Variants in CRB1 observed in about 807,000 individuals in gnomAD.
CRB1 encodes crumbs cell polarity complex component 1.
A neutral mutation model predicts 120.0 loss-of-function variants in CRB1; 83 were observed. The ratio of observed to expected loss-of-function variants is 0.69; its 90% CI spans 0.58 to 0.83. The LOEUF is 0.83. Among genes scored for constraint, CRB1 ranks in the 40% least tolerant of loss-of-function variants. The pLI, the probability that CRB1 is intolerant of heterozygous loss-of-function variation, is 0.00. For missense variants in CRB1, 1,699 were observed against 1,687.6 expected (o/e 1.01, Z -0.12); for synonymous variants, 625 against 612.5 (o/e 1.02, Z -0.30).
the CRB1 span, among the ~76,000 whole-genome samples, chr1:197,209,152 C>A: frequency 6.6e-6 from 1 of 152,180 alleles, no homozygotes; most frequent in Admixed American, 6.5e-5. Context: ...TACTAGCCTC[C>A]CAACTGAGAA....
chr1:197,217,968 G>A, the CRB1 span, among the ~76,000 whole-genome samples: 1 of 152,168 alleles, frequency 6.6e-6, no homozygotes, highest in African/African-American at 2.4e-5. Flanking sequence ...GGAAGACATT[G>A]CACCCAAATA....
intron 1 of CRB1, among the ~76,000 whole-genome samples, chr1:197,298,131 T>C (rs1232997831): frequency 6.6e-6 from 1 of 152,152 alleles, no homozygotes; most frequent in African/African-American, 2.4e-5. Context: ...TTTTCTTTTG[T>C]TCTATTTTTA....
the CRB1 span, among the ~76,000 whole-genome samples, chr1:197,230,292 CTAAA>C: frequency 2.7e-3 from 413 of 152,244 alleles, no homozygotes; most frequent in African/African-American, 9.5e-3. Context: ...AAAATCTATA[CTAAA>C]TATTTTTTGA....
the CRB1 span, among the ~76,000 whole-genome samples, chr1:197,255,965 TTATATATA>T: frequency 2.9e-3 from 245 of 85,338 alleles, no homozygotes; most frequent in African/African-American, 7.5e-3. Context: ...ATAGAACATT[TTATATATA>T]TATATATATA....
chr1:197,447,824 AGCCTGG>A lies in CRB1; in HGVS notation c.4005+5535_4005+5540del, dbSNP rs369691914. Among the ~76,000 whole-genome samples the A allele has an allele frequency of 2.0e-3, 299 of 150,688 alleles. 1 individual carries two copies. The highest frequency in any genetic ancestry group is 7.1e-3 in the African/African-American group (292 of 40,886). On this transcript the variant is annotated intron_variant, in intron 11 of 11. Coordinates refer to ENST00000367400, the MANE Select transcript of CRB1 (RefSeq NM_201253.3). The stretch of plus-strand genomic sequence containing the variant: ...AGCCATGATGGCACCACTGCACTCC[AGCCTGG>A]GCAACAGAGCAAGAACCTGTCTCAA...
intron 5 of CRB1, among the ~76,000 whole-genome samples, chr1:197,396,882 C>A (rs1662799838): frequency 6.6e-6 from 1 of 151,952 alleles, no homozygotes; most frequent in African/African-American, 2.4e-5. Flanking sequence ...GGATCTTGGG[C>A]TCAGCAAAGA....
chr1:197,282,974 G>T (rs1275649138), intron 1 of CRB1, among the ~76,000 whole-genome samples: 1 of 151,824 alleles, frequency 6.6e-6, no homozygotes, highest in Non-Finnish European at 1.5e-5. Flanking sequence ...TAAAGCTAGT[G>T]AAGGTACATT....
intron 2 of CRB1, among the ~76,000 whole-genome samples, chr1:197,343,812 A>C (rs10157465): frequency 0.13 from 19,433 of 152,184 alleles, 1,743 homozygotes; most frequent in African/African-American, 0.24. Context: ...AAGCTGAAAC[A>C]TGGAAAGGCT....
At chr1:197,426,644 C>T (rs1664595890) in intron 6 of CRB1, among the ~76,000 whole-genome samples, 1 of 152,108 alleles carries the variant, frequency 6.6e-6, no homozygotes, top group Non-Finnish European at 1.5e-5. Flanking sequence ...ACTCCTCTGA[C>T]CACAGGAAAT....
At chr1:197,382,960 A>G (rs1471808352) in intron 5 of CRB1, among the ~76,000 whole-genome samples, 1 of 152,200 alleles carries the variant, frequency 6.6e-6, no homozygotes, top group Non-Finnish European at 1.5e-5. Flanking sequence ...TCCATTCTGC[A>G]GGAACTAAAT....
chr1:197,288,632 G>T (rs1655975787), intron 1 of CRB1, among the ~76,000 whole-genome samples: 1 of 151,808 alleles, frequency 6.6e-6, no homozygotes, highest in Non-Finnish European at 1.5e-5. Flanking sequence ...AGAATTATGA[G>T]ATATGAGAAA....
the CRB1 span, among the ~76,000 whole-genome samples, chr1:197,262,616 A>G: frequency 3.1e-4 from 47 of 152,282 alleles, no homozygotes; most frequent in Non-Finnish European, 6.6e-4. Flanking sequence ...GGTTTGAGGT[A>G]TGAATGATCT....
At chr1:197,339,336 C>A (rs1012986895) in intron 2 of CRB1, among the ~76,000 whole-genome samples, 7 of 152,090 alleles carry the variant, frequency 4.6e-5, no homozygotes, top group African/African-American at 1.7e-4. Context: ...TAATGAAAAC[C>A]GAATGCTACA....
At chr1:197,389,613 G>A (rs1662391665) in intron 5 of CRB1, among the ~76,000 whole-genome samples, 1 of 152,016 alleles carries the variant, frequency 6.6e-6, no homozygotes, top group Non-Finnish European at 1.5e-5. Flanking sequence ...GATGGATGGT[G>A]GTGACGGTTA....
At chr1:197,255,217 C>T in the CRB1 span, among the ~76,000 whole-genome samples, 1 of 151,988 alleles carries the variant, frequency 6.6e-6, no homozygotes, top group Non-Finnish European at 1.5e-5. Flanking sequence ...CCTAGTTAGG[C>T]TACTCTGACT....
rs562214525 is a variant in CRB1, at chr1:197,368,325, C to T, written c.1171+11312C>T. On this transcript the variant is annotated intron_variant, in intron 5 of 11. Transcript: ENST00000367400. ...AAAGATGAAACTTTGCTTCTATCCT[C>T]GTTTACTTCATAAAACATCTTTTCA... Among the ~76,000 whole-genome samples, 13 of 152,262 alleles carry T rather than the reference C, an allele frequency of 8.5e-5. No homozygotes were observed. The East Asian group carries it at 2.3e-3, about 27-fold the overall frequency.
At chr1:197,445,784 C>A (rs888545027) in intron 11 of CRB1, among the ~76,000 whole-genome samples, 1 of 152,178 alleles carries the variant, frequency 6.6e-6, no homozygotes, top group Non-Finnish European at 1.5e-5. Context: ...TGTACTTATT[C>A]AACAAATGTT....
intron 6 of CRB1, 76 bp downstream of exon 6, chr1:197,422,032 T>A (rs556040697): frequency 7.6e-7 from 1 of 1,309,484 alleles, no homozygotes; most frequent in African/African-American, 1.4e-5. Context: ...ACAGCCAGAC[T>A]GCTTCTGCCT....
At chr1:197,448,172 G>A (rs1042628267) in intron 11 of CRB1, among the ~76,000 whole-genome samples, 5 of 151,778 alleles carry the variant, frequency 3.3e-5, no homozygotes, top group Non-Finnish European at 5.9e-5. Flanking sequence ...TCAAGCTCTT[G>A]GAGTGCTCAC....
Sources: allele counts gnomAD v4.1 joint callset (sites outside exome capture counted in the v4.1 genomes callset), GRCh38; gene constraint gnomAD v4.1.1; transcripts MANE v1.5; gene names NCBI Gene and HGNC (gene_info 2026-07-23, HGNC 2026-07-21).